The following LRP6 variants were observed in gnomAD, a reference collection of about 807,000 sequenced individuals.
LRP6 encodes LDL receptor related protein 6, also known as low-density lipoprotein receptor-related protein 6.
A neutral mutation model predicts 184.1 loss-of-function variants in LRP6; 43 were observed. The observed-to-expected ratio is 0.23, with a 90% CI of 0.18 to 0.30. The LOEUF (loss-of-function observed/expected upper bound fraction) is 0.30, where lower values mean the gene tolerates loss of function less well. LRP6 is among the 10% of genes least tolerant of loss of function. LRP6 has a pLI of 1.00. For missense variants in LRP6, 1,571 were observed against 2,005.3 expected, an observed-to-expected ratio of 0.78 and a Z score of 4.14; for synonymous variants, 719 against 684.9, an observed-to-expected ratio of 1.05 and a Z score of -0.78.
chr12:12,131,565 G>A (rs371027964), intron 18 of LRP6, among the ~76,000 whole-genome samples: 4 of 152,132 alleles, frequency 2.6e-5, no homozygotes, highest in East Asian at 3.9e-4. Flanking sequence ...TTGGAAACAG[G>A]GACTATTTTT....
chr12:12,230,962 C>T (rs902997425), intron 2 of LRP6, among the ~76,000 whole-genome samples: 2 of 151,840 alleles, frequency 1.3e-5, no homozygotes, highest in African/African-American at 4.8e-5. Flanking sequence ...GTGGGCAGAT[C>T]ACAAGGTCAG....
chr12:12,164,254 T>A lies in LRP6; in HGVS notation c.2052+19A>T. ...TCCCTTTTAGTCCCTAGCTTTAATA[T>A]TCCAATTCTTTTGCTAACCTTGAGT... On this transcript the variant is annotated intron_variant, in intron 9 of 22. Transcript: ENST00000261349. The A allele has an allele frequency of 6.2e-7, 1 of 1,611,054 alleles. No homozygotes were observed. Among genetic ancestry groups the A allele is most frequent in the African/African-American group, 1.3e-5 (1 of 75,030 alleles).
chr12:12,163,959 G>A (rs1343286754), intron 9 of LRP6, among the ~76,000 whole-genome samples: 4 of 152,014 alleles, frequency 2.6e-5, no homozygotes, highest in South Asian at 2.1e-4. Flanking sequence ...GTGAAACCCC[G>A]TCACTACTAA....
At chr12:12,217,169 G>A (rs957942088) in intron 2 of LRP6, among the ~76,000 whole-genome samples, 3 of 152,068 alleles carry the variant, frequency 2.0e-5, no homozygotes, top group African/African-American at 4.8e-5. Flanking sequence ...ATTTATAGCC[G>A]CTCCCTATCG....
rs1406561763 is a variant in LRP6, at chr12:12,119,990, A to AT, written c.*1135_*1136insA. The AT allele has an allele frequency of 4.4e-5, 2 of 45,518 alleles. No individual in the cohort carries two copies. The highest frequency in any genetic ancestry group is 7.8e-5 in the Non-Finnish European group (2 of 25,690). 2.8% of individuals were successfully genotyped at this position (45,518 alleles called of 1,614,324 possible). On this transcript the variant is annotated 3_prime_UTR_variant, in exon 23 of 23. Transcript: ENST00000261349. The stretch of plus-strand genomic sequence containing the variant: ...ACTCAGAAAACAAACAAACAAACAA[A>AT]ATATATATATATATATATATATATA...
In LRP6 at chr12:12,149,072, G is replaced by A. The variant is rs140679529; in HGVS notation, c.3076C>T (p.Arg1026Cys). The change falls in exon 14 of 23, where the codon CGC (arginine) becomes TGC (cysteine). Residue 1026 changes from arginine to cysteine, a missense_variant. This residue lies in a region of LRP6 where 763 missense variants were observed against 859.5 expected (regional missense o/e 0.89). Transcript: ENST00000261349. Reference protein sequence around the residue: ...PYDLSIDIYSRYIYWTCEATN... With the variant: ...PYDLSIDIYSCYIYWTCEATN... ...GCCTCACAAGTCCAGTAGATGTAGCGGCTGTAAATATCAATGCTGAGGTCA... is the reference window on the plus strand; with the variant it reads ...GCCTCACAAGTCCAGTAGATGTAGCAGCTGTAAATATCAATGCTGAGGTCA... 468 of 1,613,974 alleles carry A rather than the reference G, an allele frequency of 2.9e-4. No individual in the cohort carries two copies. Among genetic ancestry groups the A allele is most frequent in the Non-Finnish European group, 3.6e-4 (421 of 1,179,974 alleles).
intron 7 of LRP6, among the ~76,000 whole-genome samples, chr12:12,167,727 T>C (rs1007383184): frequency 1.3e-5 from 2 of 152,154 alleles, no homozygotes. Context: ...AGCACAGTAT[T>C]AGGTGCACTA....
Position 12,164,961 on chromosome 12 carries a change from G to A in LRP6, c.1762+118C>T, listed in dbSNP as rs370824149. The A allele has an allele frequency of 4.5e-5, 23 of 511,738 alleles. No individual in the cohort carries two copies. The East Asian group carries it at 7.3e-4, about 16-fold the overall frequency. The allele number at this position is 511,738 out of a possible 1,614,324, so 31.7% of individuals were successfully genotyped here. A position where few individuals can be genotyped will look rare whatever the true frequency, so the allele number is the denominator to read the frequency against. On this transcript the variant is annotated intron_variant, in intron 8 of 22. Coordinates refer to ENST00000261349, the MANE Select transcript of LRP6 (RefSeq NM_002336.3). Reference sequence around the variant, plus strand: ...AAAAAAAAAAAAAAAAAAAAGGCGGGGGGGCAGTAAAGAAGGTTTCAAAAT... The same window carrying A: ...AAAAAAAAAAAAAAAAAAAAGGCGGAGGGGCAGTAAAGAAGGTTTCAAAAT...
chr12:12,155,017 G>A (rs1408310810), intron 12 of LRP6, among the ~76,000 whole-genome samples: 2 of 152,124 alleles, frequency 1.3e-5, no homozygotes, highest in Non-Finnish European at 2.9e-5. Flanking sequence ...CCAACATGGT[G>A]AAATCCCGTC....
intron 19 of LRP6, among the ~76,000 whole-genome samples, chr12:12,129,377 A>C (rs1056521625): frequency 6.6e-6 from 1 of 152,202 alleles, no homozygotes. Context: ...TACCTATGTT[A>C]TCTCTTGCTG....
chr12:12,161,965 T>TC (rs750134939), intron 10 of LRP6, among the ~76,000 whole-genome samples: 26 of 151,650 alleles, frequency 1.7e-4, no homozygotes, highest in Non-Finnish European at 3.4e-4. Context: ...ATTAACCCAT[T>TC]CCCCTCTTTC....
chr12:12,256,386 C>T (rs1009110385), intron 1 of LRP6, among the ~76,000 whole-genome samples: 3 of 151,890 alleles, frequency 2.0e-5, no homozygotes, highest in African/African-American at 7.3e-5. Context: ...GGTGAAACCC[C>T]ATCTCTATAA....
At chr12:12,202,594 T>G (rs1486927595) in intron 3 of LRP6, among the ~76,000 whole-genome samples, 1 of 152,230 alleles carries the variant, frequency 6.6e-6, no homozygotes, top group East Asian at 1.9e-4. Context: ...GTCATGCCTA[T>G]TCCCTTATGC....
At chr12:12,173,980 T>C (rs1412906722) in intron 7 of LRP6, among the ~76,000 whole-genome samples, 1 of 152,210 alleles carries the variant, frequency 6.6e-6, no homozygotes, top group Non-Finnish European at 1.5e-5. Context: ...TCATATGTTA[T>C]GAAGATTTGG....
intron 12 of LRP6, among the ~76,000 whole-genome samples, chr12:12,153,597 T>C (rs1228742152): frequency 6.6e-6 from 1 of 152,226 alleles, no homozygotes; most frequent in Non-Finnish European, 1.5e-5. Context: ...TAACTGGTTA[T>C]TTCTAAAAGG....
Position 12,244,593 on chromosome 12 carries a change from T to C in LRP6, c.118A>G (p.Lys40Glu). The change falls in exon 2 of 23, where the codon AAA becomes GAA. Residue 40 changes from lysine (K) to glutamate (E), a missense_variant. By Grantham distance (56) the Lys-to-Glu change is moderately conservative. This residue lies in a region of LRP6 where 640 missense variants were observed against 851.9 expected (regional missense o/e 0.75). Transcript: ENST00000261349. The stretch of plus-strand genomic sequence containing the variant: ...CCAACTACAATCGTAGCATTCTCTT[T>C]GCCATTTGTAGCATCAACCAATCGC... ...DLRLVDATNG[K>E]ENATIVVGGL... 6.2e-7 allele frequency: 1 copy of C among 1,614,164 alleles called. No homozygotes were observed. Among genetic ancestry groups the C allele is most frequent in the Non-Finnish European group, 8.5e-7 (1 of 1,180,008 alleles).
intron 2 of LRP6, chr12:12,210,971 A>G (rs1864193970): frequency 6.6e-6 from 1 of 152,230 alleles, no homozygotes; most frequent in African/African-American, 2.4e-5. Context: ...GTGAAAAGAA[A>G]AAAAGAATTG....
At chr12:12,130,184 C>CT (rs1949728467) in intron 19 of LRP6, among the ~76,000 whole-genome samples, 1 of 147,962 alleles carries the variant, frequency 6.8e-6, no homozygotes, top group African/African-American at 2.5e-5. Context: ...CAATTGAATT[C>CT]TTTTCTTTTT....
chr12:12,124,712 CAG>C, intron 21 of LRP6, 50 bp from the exon 22 acceptor site: 1 of 1,179,900 alleles, frequency 8.5e-7, no homozygotes, highest in Middle Eastern at 2.5e-4. Flanking sequence ...TAGAAACTAT[CAG>C]ACTTTCTTTC....
Sources: gnomAD v4.1 joint callset for allele counts (sites outside exome capture counted in the v4.1 genomes callset) on GRCh38, gnomAD v4.1.1 for gene constraint, gnomAD v4.1.1 regional missense constraint, MANE v1.5 for transcripts, NCBI Gene and HGNC (gene_info 2026-07-23, HGNC 2026-07-21) for gene names.